The following LHFPL2 variants were observed in gnomAD, a reference collection of about 807,000 sequenced individuals.
The protein encoded by LHFPL2 is LHFPL tetraspan subfamily member 2 protein.
In LHFPL2, 7 loss-of-function variants were observed where a neutral mutation model predicts 17.5. The observed-to-expected ratio is 0.40, with a 90% CI of 0.23 to 0.75. LHFPL2 has a LOEUF of 0.75. Ranked by LOEUF, LHFPL2 falls within the 30% of genes least tolerant of loss-of-function variation. The pLI is 0.37. For synonymous variants in LHFPL2, 134 were observed against 116.2 expected (o/e 1.15, Z -0.99); for missense variants, 241 against 294.8 (o/e 0.82, Z 1.34).
intron 2 of LHFPL2, among the ~76,000 whole-genome samples, chr5:78,580,598 A>G (rs947325208): frequency 1.5e-4 from 20 of 129,594 alleles, no homozygotes; most frequent in African/African-American, 5.1e-4. Flanking sequence ...TTTATTAAAT[A>G]GGGAATCCTT....
Position 78,585,563 on chromosome 5 carries a change from G to A in LHFPL2, c.-244-20692C>T, listed in dbSNP as rs143980277. Among the ~76,000 whole-genome samples, 27 of 152,174 alleles carry A rather than the reference G, an allele frequency of 1.8e-4. No homozygotes were observed. In the East Asian group the frequency reaches 3.7e-3, roughly 21 times the overall value. ...TCAGATGGAAATGCAGAAATCACCC[G>A]TCTTCTGCGTCGCTCATGCTGGGAG... On this transcript the variant is annotated intron_variant, in intron 2 of 4. Coordinates refer to ENST00000380345, the MANE Select transcript of LHFPL2 (RefSeq NM_005779.3).
At chr5:78,527,370 T>TG (rs1318452439) in intron 3 of LHFPL2, among the ~76,000 whole-genome samples, 234 of 147,926 alleles carry the variant, frequency 1.6e-3, no homozygotes, top group African/African-American at 5.6e-3. Flanking sequence ...GGAGTTTTTT[T>TG]TTTTTTTTTT....
chr5:78,586,792 A>G (rs1743424891), intron 2 of LHFPL2, among the ~76,000 whole-genome samples: 1 of 152,250 alleles, frequency 6.6e-6, no homozygotes, highest in Non-Finnish European at 1.5e-5. Flanking sequence ...TTTTTAATAC[A>G]GTATAAGTTA....
chr5:78,582,143 T>C (rs1283769628), intron 2 of LHFPL2, among the ~76,000 whole-genome samples: 1 of 152,246 alleles, frequency 6.6e-6, no homozygotes, highest in Non-Finnish European at 1.5e-5. Context: ...GATACCCCTT[T>C]ATCATTTTTT....
At chr5:78,490,807 C>T (rs1029495846) in intron 4 of LHFPL2, among the ~76,000 whole-genome samples, 1 of 148,776 alleles carries the variant, frequency 6.7e-6, no homozygotes, top group African/African-American at 2.5e-5. Flanking sequence ...AACATTTTCT[C>T]TGAAAAATTC....
At chr5:78,604,661 C>T (rs1744146574) in intron 2 of LHFPL2, among the ~76,000 whole-genome samples, 2 of 152,218 alleles carry the variant, frequency 1.3e-5, no homozygotes, top group Admixed American at 6.5e-5. Context: ...GACAACACTA[C>T]ATGCAAACCC....
At chr5:78,552,895 T>C (rs566665790) in intron 3 of LHFPL2, among the ~76,000 whole-genome samples, 5 of 152,192 alleles carry the variant, frequency 3.3e-5, no homozygotes, top group African/African-American at 1.2e-4. Context: ...GTAGCACAAA[T>C]TGTTGGTTTC....
At chr5:78,602,434 T>A (rs1209434648) in intron 2 of LHFPL2, among the ~76,000 whole-genome samples, 7 of 152,148 alleles carry the variant, frequency 4.6e-5, no homozygotes, top group Admixed American at 3.3e-4. Flanking sequence ...CCTTCTCAAA[T>A]TTTCCATTCT....
At chr5:78,500,908 G>A (rs1331562657) in intron 4 of LHFPL2, among the ~76,000 whole-genome samples, 1 of 152,118 alleles carries the variant, frequency 6.6e-6, no homozygotes, top group East Asian at 1.9e-4. Context: ...GAGACTTAAT[G>A]GCATTCGTTA....
chr5:78,513,355 T>C (rs1316976603), intron 3 of LHFPL2, among the ~76,000 whole-genome samples: 1 of 152,210 alleles, frequency 6.6e-6, no homozygotes, highest in East Asian at 1.9e-4. Flanking sequence ...CCCTCTCCTT[T>C]ATGCTAAAAC....
chr5:78,538,290 CAA>C (rs1756008424), intron 3 of LHFPL2, among the ~76,000 whole-genome samples: 1 of 152,186 alleles, frequency 6.6e-6, no homozygotes, highest in Non-Finnish European at 1.5e-5. Flanking sequence ...CCTACTTCTC[CAA>C]AGATTTCAAA....
intron 1 of LHFPL2, among the ~76,000 whole-genome samples, chr5:78,634,375 A>G (rs971460659): frequency 1.3e-4 from 20 of 152,212 alleles, no homozygotes; most frequent in African/African-American, 4.6e-4. Flanking sequence ...CAGTGAGGAC[A>G]CTGTATTCTC....
At chr5:78,586,521 C>T (rs1743408334) in intron 2 of LHFPL2, among the ~76,000 whole-genome samples, 1 of 152,208 alleles carries the variant, frequency 6.6e-6, no homozygotes, top group Non-Finnish European at 1.5e-5. Context: ...TTATCCTCGG[C>T]TTCCTCTGCC....
intron 3 of LHFPL2, among the ~76,000 whole-genome samples, chr5:78,513,427 C>T (rs1755195606): frequency 6.6e-6 from 1 of 152,174 alleles, no homozygotes; most frequent in African/African-American, 2.4e-5. Flanking sequence ...ATAAGGGCTT[C>T]ATTCTTCTGT....
At chr5:78,490,413 C>T (rs1185051813) in intron 4 of LHFPL2, among the ~76,000 whole-genome samples, 2 of 151,986 alleles carry the variant, frequency 1.3e-5, no homozygotes, top group East Asian at 1.9e-4. Context: ...GCAACCTAGG[C>T]CCCCCCAGAT....
intron 3 of LHFPL2, among the ~76,000 whole-genome samples, chr5:78,522,616 C>T (rs1415284939): frequency 6.6e-6 from 1 of 152,208 alleles, no homozygotes; most frequent in Non-Finnish European, 1.5e-5. Flanking sequence ...ACCTCTAGAA[C>T]CAACCCTTGT....
intron 3 of LHFPL2, among the ~76,000 whole-genome samples, chr5:78,515,311 A>G (rs771631474): frequency 1.2e-4 from 17 of 137,858 alleles, no homozygotes; most frequent in Non-Finnish European, 7.8e-5. Context: ...ATTTGAAGAT[A>G]CTGGGCTAGT....
At chr5:78,564,180 G>A (rs1332272761) in intron 3 of LHFPL2, among the ~76,000 whole-genome samples, 1 of 152,178 alleles carries the variant, frequency 6.6e-6, no homozygotes, top group Non-Finnish European at 1.5e-5. Flanking sequence ...TCCCTTGGGA[G>A]AAGCAGGGCT....
At chr5:78,592,213 A>G (rs2112461574) in intron 2 of LHFPL2, among the ~76,000 whole-genome samples, 1 of 152,356 alleles carries the variant, frequency 6.6e-6, no homozygotes, top group South Asian at 2.1e-4. Context: ...GGAAGACTTC[A>G]GAAGTACTCA....
Sources: gnomAD v4.1 joint callset for allele counts (sites outside exome capture counted in the v4.1 genomes callset) on GRCh38, gnomAD v4.1.1 for gene constraint, MANE v1.5 for transcripts, NCBI Gene and HGNC (gene_info 2026-07-23, HGNC 2026-07-21) for gene names.